Variants in UBASH3B observed in about 807,000 individuals in gnomAD.
UBASH3B encodes the protein ubiquitin-associated and SH3 domain-containing protein B.
UBASH3B carries 37 observed loss-of-function variants against 83.4 expected under a neutral mutation model. The ratio of observed to expected loss-of-function variants is 0.44; its 90% CI spans 0.34 to 0.58. The LOEUF (loss-of-function observed/expected upper bound fraction) is 0.58. Ranked by LOEUF, UBASH3B falls within the 20% of genes least tolerant of loss-of-function variation. The probability of loss-of-function intolerance (pLI) is 0.01; values close to 1 mark genes in which losing one functional copy is unlikely to be tolerated. For synonymous variants in UBASH3B, 304 were observed against 318.3 expected (o/e 0.96, Z 0.48); for missense variants, 657 against 827.2 (o/e 0.79, Z 2.52).
At chr11:122,773,004 G>A (rs563388681) in intron 1 of UBASH3B, among the ~76,000 whole-genome samples, 1 of 152,236 alleles carries the variant, frequency 6.6e-6, no homozygotes, top group Non-Finnish European at 1.5e-5. Flanking sequence ...ACTGATTGCT[G>A]TAATTTGTTG....
intron 1 of UBASH3B, among the ~76,000 whole-genome samples, chr11:122,753,537 C>T (rs1379777703): frequency 6.6e-5 from 9 of 135,402 alleles, no homozygotes; most frequent in African/African-American, 2.0e-4. Context: ...TCACTATTGT[C>T]GCCCAGGCTG....
chr11:122,689,023 C>A (rs1397982407), intron 1 of UBASH3B, among the ~76,000 whole-genome samples: 2 of 149,008 alleles, frequency 1.3e-5, no homozygotes, highest in African/African-American at 5.1e-5. Context: ...TGGTCTCGAA[C>A]TCCTGACCTC....
At chr11:122,740,930 G>A (rs1264741625) in intron 1 of UBASH3B, among the ~76,000 whole-genome samples, 1 of 152,170 alleles carries the variant, frequency 6.6e-6, no homozygotes, top group East Asian at 1.9e-4. Flanking sequence ...GACATAATGT[G>A]TACATAAAAT....
At chr11:122,667,352 TTC>T (rs907537204) in intron 1 of UBASH3B, among the ~76,000 whole-genome samples, 1 of 152,260 alleles carries the variant, frequency 6.6e-6, no homozygotes, top group East Asian at 1.9e-4. Context: ...AGTCCATTCT[TTC>T]TCTCTCTCTG....
chr11:122,728,852 G>T (rs751683728), intron 1 of UBASH3B, among the ~76,000 whole-genome samples: 92 of 152,198 alleles, frequency 6.0e-4, no homozygotes, highest in Non-Finnish European at 1.1e-3. Flanking sequence ...TGAGCTTAGA[G>T]TCATAAAATG....
At chr11:122,724,329 G>A (rs572497033) in intron 1 of UBASH3B, among the ~76,000 whole-genome samples, 2 of 152,258 alleles carry the variant, frequency 1.3e-5, no homozygotes, top group South Asian at 4.1e-4. Flanking sequence ...GCTTAGAATC[G>A]GGGCAGGCAT....
At chr11:122,659,311 C>T (rs986226377) in intron 1 of UBASH3B, among the ~76,000 whole-genome samples, 1 of 152,086 alleles carries the variant, frequency 6.6e-6, no homozygotes, top group East Asian at 1.9e-4. Flanking sequence ...TAGCACTGCC[C>T]CTCTTTACCA....
chr11:122,743,362 G>T (rs1025958407), intron 1 of UBASH3B, among the ~76,000 whole-genome samples: 4 of 152,132 alleles, frequency 2.6e-5, no homozygotes, highest in Non-Finnish European at 5.9e-5. Context: ...CTACAGGCAT[G>T]CACTACCATG....
intron 1 of UBASH3B, among the ~76,000 whole-genome samples, chr11:122,694,096 A>G (rs1863931016): frequency 6.6e-6 from 1 of 152,164 alleles, no homozygotes; most frequent in Admixed American, 6.5e-5. Context: ...GACATTAAGA[A>G]ATGATGAATC....
At chr11:122,803,055 C>T (rs925407953) in intron 11 of UBASH3B, among the ~76,000 whole-genome samples, 6 of 152,212 alleles carry the variant, frequency 3.9e-5, no homozygotes, top group African/African-American at 1.4e-4. Flanking sequence ...ACCCCACCAG[C>T]AGTGTGAGCA....
intron 1 of UBASH3B, among the ~76,000 whole-genome samples, chr11:122,761,779 CTTTTTTTTTTTTTTTTTTTT>C (rs138806467): frequency 1.5e-5 from 1 of 65,380 alleles, no homozygotes; most frequent in African/African-American, 6.7e-5. Context: ...CTCCCAGATC[CTTTTTTTTTTTTTTTTTTTT>C]TTTTTTTTTT....
chr11:122,713,566 A>G (rs1864228252), intron 1 of UBASH3B, among the ~76,000 whole-genome samples: 1 of 152,194 alleles, frequency 6.6e-6, no homozygotes, highest in Admixed American at 6.5e-5. Flanking sequence ...TAGCAATTAT[A>G]AAGAAACTAT....
intron 1 of UBASH3B, among the ~76,000 whole-genome samples, chr11:122,696,341 C>CTTTTTTTTTTT: frequency 6.8e-6 from 1 of 146,036 alleles, no homozygotes; most frequent in Non-Finnish European, 1.5e-5. Flanking sequence ...TTTCTTTTTT[C>CTTTTTTTTTTT]TTTTTGTTTT....
At chr11:122,718,133 C>T (rs1860557847) in intron 1 of UBASH3B, among the ~76,000 whole-genome samples, 1 of 152,068 alleles carries the variant, frequency 6.6e-6, no homozygotes, top group African/African-American at 2.4e-5. Flanking sequence ...CCATGTTGGC[C>T]AGGCAGGCCT....
chr11:122,744,040 C>T (rs1861070164), intron 1 of UBASH3B, among the ~76,000 whole-genome samples: 1 of 152,238 alleles, frequency 6.6e-6, no homozygotes, highest in Non-Finnish European at 1.5e-5. Context: ...GCCCAGCTCT[C>T]CTGCCTGTGA....
chr11:122,721,708 G>A (rs1860641512), intron 1 of UBASH3B, among the ~76,000 whole-genome samples: 1 of 152,212 alleles, frequency 6.6e-6, no homozygotes, highest in Non-Finnish European at 1.5e-5. Flanking sequence ...GTTTCCAAAA[G>A]CCTTCCAGGA....
chr11:122,712,901 T>TTTG (rs1864215590), intron 1 of UBASH3B, among the ~76,000 whole-genome samples: 3 of 82,998 alleles, frequency 3.6e-5, no homozygotes, highest in African/African-American at 1.8e-4. Flanking sequence ...GGGTGGTTTT[T>TTTG]TTTTTTTTTT....
At chr11:122,688,041 C>T (rs1353304616) in intron 1 of UBASH3B, among the ~76,000 whole-genome samples, 2 of 152,020 alleles carry the variant, frequency 1.3e-5, no homozygotes, top group African/African-American at 4.8e-5. Flanking sequence ...GGCAGGTGCC[C>T]CAGCCTTGGA....
chr11:122,716,527 C>A (rs12292477), intron 1 of UBASH3B, among the ~76,000 whole-genome samples: 1 of 152,094 alleles, frequency 6.6e-6, no homozygotes, highest in Non-Finnish European at 1.5e-5. Flanking sequence ...CTCTGCCCCT[C>A]TAATATCCCT....
Sources: allele counts gnomAD v4.1 joint callset (sites outside exome capture counted in the v4.1 genomes callset), GRCh38; gene constraint gnomAD v4.1.1; transcripts MANE v1.5; gene names NCBI Gene and HGNC (gene_info 2026-07-23, HGNC 2026-07-21).